MAP3K13: variants seen among roughly 807,000 people sequenced by gnomAD.
The protein encoded by MAP3K13 is leucine zipper-bearing kinase.
A neutral mutation model predicts 104.0 loss-of-function variants in MAP3K13; 52 were observed. That is an observed-to-expected ratio of 0.50 (90% CI 0.40 to 0.63). MAP3K13 has a LOEUF of 0.63. MAP3K13 is among the 20% of genes least tolerant of loss of function. The pLI is 0.00. For synonymous variants in MAP3K13, 394 were observed against 442.2 expected, an observed-to-expected ratio of 0.89 and a Z score of 1.37; for missense variants, 914 against 1,218.5, an observed-to-expected ratio of 0.75 and a Z score of 3.72.
chr3:185,465,978 C>A, intron 9 of MAP3K13, 115 bp downstream of exon 9: 5 of 800,290 alleles, frequency 6.2e-6, no homozygotes, highest in Non-Finnish European at 8.5e-6. Context: ...ATTCATTCAC[C>A]CAACATTCCT....
intron 8 of MAP3K13, 72 bp from the exon 9 acceptor site, chr3:185,465,675 T>A: frequency 1.0e-6 from 1 of 994,424 alleles, no homozygotes; most frequent in Non-Finnish European, 1.6e-6. Flanking sequence ...TCATCCTGTT[T>A]CTTATTTCAT....
At chr3:185,478,167 T>C (rs886697762) in intron 12 of MAP3K13, among the ~76,000 whole-genome samples, 1 of 152,162 alleles carries the variant, frequency 6.6e-6, no homozygotes, top group African/African-American at 2.4e-5. Context: ...GCCTTAGAAA[T>C]AGCTTCTTGC....
At chr3:185,417,647 C>T in intron 1 of MAP3K13, 2 of 1,612,102 alleles carry the variant, frequency 1.2e-6, no homozygotes, top group Non-Finnish European at 8.5e-7. Context: ...TTCTTACCTA[C>T]CACAGGCTTC....
chr3:185,473,768 T>G lies in MAP3K13; in HGVS notation c.2430+7T>G. On this transcript the variant is annotated splice_region_variant and intron_variant, in intron 11 of 13. Coordinates refer to ENST00000265026, the MANE Select transcript of MAP3K13 (RefSeq NM_004721.5). This position sits in a 1 kb window ranked among gnomAD's most constrained non-coding sequence, Gnocchi z 4.9. Reference sequence around the variant, plus strand: ...AACAAGGCCTCTGCAGAAGGTAAAGTGTAATGATGAGAGTGGCCTGCGTCA... The same window carrying G: ...AACAAGGCCTCTGCAGAAGGTAAAGGGTAATGATGAGAGTGGCCTGCGTCA... 1.9e-6 allele frequency: 3 copies of G among 1,608,800 alleles called. No homozygotes were observed. Among genetic ancestry groups the G allele is most frequent in the Non-Finnish European group, 2.5e-6 (3 of 1,177,626 alleles).
intron 2 of MAP3K13, among the ~76,000 whole-genome samples, chr3:185,301,500 C>G (rs1003020353): frequency 5.3e-5 from 8 of 152,158 alleles, no homozygotes; most frequent in Non-Finnish European, 1.2e-4. Flanking sequence ...GTTGCCTGTG[C>G]TTTTCATGTC....
At chr3:185,363,124 C>CTT, upstream of MAP3K13, 5 of 804,392 alleles carry the variant, frequency 6.2e-6, no homozygotes, top group African/African-American at 5.5e-5. Context: ...ACCCGCCCCT[C>CTT]TTTTTTTTTT....
chr3:185,407,693 G>C (rs1713192627), intron 1 of MAP3K13, among the ~76,000 whole-genome samples: 1 of 152,026 alleles, frequency 6.6e-6, no homozygotes, highest in Admixed American at 6.6e-5. Flanking sequence ...GCTCAAGTGT[G>C]TTCCCTCTTC....
chr3:185,449,098 G>A (rs759296002), intron 5 of MAP3K13, among the ~76,000 whole-genome samples: 5 of 152,046 alleles, frequency 3.3e-5, no homozygotes, highest in Admixed American at 1.3e-4. Context: ...AAAGCCAGGC[G>A]CAGTGGCTCA....
intron 1 of MAP3K13, among the ~76,000 whole-genome samples, chr3:185,411,970 T>C (rs924030048): frequency 5.9e-5 from 9 of 151,858 alleles, no homozygotes; most frequent in African/African-American, 2.2e-4. Flanking sequence ...TTTTAGTAGA[T>C]ATGGGGTTTC....
chr3:185,451,171 G>T, intron 6 of MAP3K13, 116 bp from the exon 7 acceptor site: 1 of 651,446 alleles, frequency 1.5e-6, no homozygotes, highest in Admixed American at 2.8e-5. Context: ...AGTACAGCTG[G>T]TTTTACTCAG....
intron 1 of MAP3K13, among the ~76,000 whole-genome samples, chr3:185,395,509 C>A (rs1389269821): frequency 2.6e-5 from 3 of 115,160 alleles, no homozygotes; most frequent in African/African-American, 6.4e-5. Context: ...CAGGCACCCG[C>A]CACCACGCCC....
intron 2 of MAP3K13, among the ~76,000 whole-genome samples, chr3:185,343,008 G>GCCTTAGGTCTCC (rs1722775957): frequency 1.3e-5 from 2 of 151,914 alleles, no homozygotes; most frequent in African/African-American, 4.8e-5. Flanking sequence ...CTCCCTGTTG[G>GCCTTAGGTCTCC]CTAAAGTCTG....
intron 1 of MAP3K13, among the ~76,000 whole-genome samples, chr3:185,378,134 A>G (rs1320916872): frequency 6.6e-6 from 1 of 152,170 alleles, no homozygotes; most frequent in Non-Finnish European, 1.5e-5. Context: ...ATACATTGCT[A>G]CTTGGCTGCC....
Position 185,450,305 on chromosome 3 carries a change from C to A in MAP3K13, c.1169+247C>A, listed in dbSNP as rs1464671902. Among the ~76,000 whole-genome samples the A allele has an allele frequency of 6.6e-6, 1 of 152,128 alleles. No individual in the cohort carries two copies. Among genetic ancestry groups the A allele is most frequent in the Admixed American group, 6.6e-5 (1 of 15,266 alleles). ...TTAATTAAAATTTAGAAATAAAGAA[C>A]TTGGTGTTATTATCTCAAAATAGTA... On this transcript the variant is annotated intron_variant, in intron 6 of 13. Transcript: ENST00000265026. The surrounding 1 kb of genome is among the most constrained non-coding windows in gnomAD (Gnocchi z 4.2).
At chr3:185,385,403 C>A (rs1711631404) in intron 1 of MAP3K13, among the ~76,000 whole-genome samples, 1 of 152,086 alleles carries the variant, frequency 6.6e-6, no homozygotes. Flanking sequence ...GAACTCCTGG[C>A]CTCAAGTGAT....
chr3:185,445,038 T>C (rs80280765), intron 4 of MAP3K13, among the ~76,000 whole-genome samples: 19 of 7,148 alleles, frequency 2.7e-3, no homozygotes, highest in Admixed American at 7.8e-3. Flanking sequence ...CACACACACA[T>C]ATATATATTT....
At chr3:185,346,951 C>A in intron 2 of MAP3K13, among the ~76,000 whole-genome samples, 1 of 148,652 alleles carries the variant, frequency 6.7e-6, no homozygotes, top group Non-Finnish European at 1.5e-5. Context: ...GCATTTTGCA[C>A]TACTTTTGAA....
rs191122222 is a variant in MAP3K13, at chr3:185,467,941, G to A, written c.1643+978G>A. 5.3e-5 allele frequency among the ~76,000 whole-genome samples: 8 copies of A among 152,170 alleles called. No homozygotes were observed. In the East Asian group the frequency reaches 1.3e-3, roughly 26 times the overall value. On this transcript the variant is annotated intron_variant, in intron 10 of 13. Transcript: ENST00000265026. ...CTTATAATCATGGTGAAAAACAAAGGGGGAGCCAGCGCTTCACATGGCTGG... is the reference window on the plus strand; with the variant it reads ...CTTATAATCATGGTGAAAAACAAAGAGGGAGCCAGCGCTTCACATGGCTGG...
chr3:185,418,630 T>A lies in MAP3K13; in HGVS notation c.-85-9867T>A. The A allele has an allele frequency of 6.2e-7, 1 of 1,612,046 alleles. No individual in the cohort carries two copies. Among genetic ancestry groups the A allele is most frequent in the African/African-American group, 1.3e-5 (1 of 75,020 alleles). On this transcript the variant is annotated intron_variant, in intron 1 of 13. Transcript: ENST00000265026. The surrounding 1 kb of genome is among the most constrained non-coding windows in gnomAD (Gnocchi z 4.5). ...TGCTAATTCACTGGCAGCGTAGGGC[T>A]GTCTGTTGTTTTTGCGCAAGTTGGT...
Sources: gnomAD v4.1 joint callset for allele counts (sites outside exome capture counted in the v4.1 genomes callset) on GRCh38, gnomAD v4.1.1 for gene constraint, Gnocchi (gnomAD v3.1) non-coding constraint, MANE v1.5 for transcripts, NCBI Gene and HGNC (gene_info 2026-07-23, HGNC 2026-07-21) for gene names.